The following YWHAE variants were observed in gnomAD, a reference collection of about 807,000 sequenced individuals.
YWHAE encodes tyrosine 3-monooxygenase/tryptophan 5-monooxygenase activation protein epsilon.
YWHAE carries 4 observed loss-of-function variants against 30.1 expected under a neutral mutation model. The observed-to-expected ratio is 0.13, with a 90% CI of 0.07 to 0.30. The LOEUF (loss-of-function observed/expected upper bound fraction) is 0.30, where lower values mean the gene tolerates loss of function less well. YWHAE is among the 10% of genes least tolerant of loss of function. YWHAE has a pLI of 1.00. For synonymous variants in YWHAE, 118 were observed against 111.8 expected, an observed-to-expected ratio of 1.06 and a Z score of -0.35; for missense variants, 121 against 315.9, an observed-to-expected ratio of 0.38 and a Z score of 4.68.
intron 4 of YWHAE, among the ~76,000 whole-genome samples, chr17:1,355,171 TTG>T (rs1388142124): frequency 0.11 from 5,277 of 50,142 alleles, 847 homozygotes; most frequent in African/African-American, 0.3. Flanking sequence ...TTTTTTTTTT[TTG>T]GGGGACGGGG....
At chr17:1,349,173 T>C (rs1163504027) in intron 5 of YWHAE, among the ~76,000 whole-genome samples, 1 of 151,810 alleles carries the variant, frequency 6.6e-6, no homozygotes, top group Admixed American at 6.6e-5. Flanking sequence ...AAACCCTGTC[T>C]CTACTGAAAA....
chr17:1,344,965 C>A lies in YWHAE; in HGVS notation c.*482G>T. 8.5e-6 allele frequency: 2 copies of A among 234,972 alleles called. No individual in the cohort carries two copies. The highest frequency in any genetic ancestry group is 1.2e-4 in the East Asian group (2 of 16,550). 14.6% of individuals were successfully genotyped at this position (234,972 alleles called of 1,614,324 possible). On this transcript the variant is annotated 3_prime_UTR_variant, in exon 6 of 6. Transcript: ENST00000264335. ...AGTCCCTCCCCAAACCACCTTTAAC[C>A]ATCTCAAGCTAACACCCAATTACTT...
intron 1 of YWHAE, among the ~76,000 whole-genome samples, 186 bp from the exon 2 acceptor site, chr17:1,365,244 A>G (rs539133824): frequency 9.0e-6 from 1 of 111,520 alleles, no homozygotes; most frequent in East Asian, 2.2e-4. Flanking sequence ...CTAAGAGCCA[A>G]TACAAAGACT....
At position 1,364,614 on chromosome 17, in the gene YWHAE, G is replaced by C. The variant is rs185703585; in HGVS notation, c.264+245C>G. 2,168 of 540,090 alleles carry C rather than the reference G, an allele frequency of 4.0e-3. 5 individuals are homozygous for C. Among genetic ancestry groups the C allele is most frequent in the Non-Finnish European group, 6.1e-3 (1,853 of 305,976 alleles). 33.5% of individuals were successfully genotyped at this position (540,090 alleles called of 1,614,324 possible). A position where few individuals can be genotyped will look rare whatever the true frequency, so the allele number is the denominator to read the frequency against. On this transcript the variant is annotated intron_variant, in intron 2 of 5. Transcript: ENST00000264335. The stretch of plus-strand genomic sequence containing the variant: ...ATCCAAGAGGGATCCATTGAGACCT[G>C]CCAGTGGATGTGATGAAACCATGGA...
At chr17:1,379,788 G>A (rs981990314) in intron 1 of YWHAE, among the ~76,000 whole-genome samples, 7 of 152,168 alleles carry the variant, frequency 4.6e-5, no homozygotes, top group African/African-American at 1.7e-4. Flanking sequence ...AAACACTCCT[G>A]GAACTTGTTT....
chr17:1,395,629 G>GA (rs1241381364), intron 1 of YWHAE, among the ~76,000 whole-genome samples: 1 of 150,992 alleles, frequency 6.6e-6, no homozygotes, highest in Non-Finnish European at 1.5e-5. Flanking sequence ...AACGGCAATG[G>GA]AAAATTACTG....
At chr17:1,345,977 C>T (rs1246737867) in intron 5 of YWHAE, among the ~76,000 whole-genome samples, 1 of 152,130 alleles carries the variant, frequency 6.6e-6, no homozygotes, top group South Asian at 2.1e-4. Flanking sequence ...GAAGTTCTAT[C>T]GTATTTTATT....
At chr17:1,363,287 G>C (rs1020403269) in intron 2 of YWHAE, among the ~76,000 whole-genome samples, 3 of 152,102 alleles carry the variant, frequency 2.0e-5, no homozygotes, top group African/African-American at 4.8e-5. Context: ...TTGATTCAGA[G>C]TTTCCCTCTT....
chr17:1,382,502 G>A (rs922720284), intron 1 of YWHAE, among the ~76,000 whole-genome samples: 3 of 151,028 alleles, frequency 2.0e-5, no homozygotes, highest in Non-Finnish European at 4.4e-5. Context: ...GACTACAGGC[G>A]CCCACCACCA....
intron 1 of YWHAE, among the ~76,000 whole-genome samples, chr17:1,371,253 T>C (rs2150859855): frequency 6.6e-6 from 1 of 152,176 alleles, no homozygotes; most frequent in Admixed American, 6.6e-5. Context: ...CAGCTAATTT[T>C]TATTATTTTT....
chr17:1,391,543 T>C (rs1316472542), intron 1 of YWHAE, among the ~76,000 whole-genome samples: 1 of 152,228 alleles, frequency 6.6e-6, no homozygotes, highest in African/African-American at 2.4e-5. Context: ...GTGACTTTCA[T>C]TATTATTTGC....
At chr17:1,366,022 C>T (rs1016027824) in intron 1 of YWHAE, among the ~76,000 whole-genome samples, 2 of 151,918 alleles carry the variant, frequency 1.3e-5, no homozygotes, top group Non-Finnish European at 2.9e-5. Flanking sequence ...TAAAGACTAT[C>T]CTGGCCAACA....
chr17:1,353,127 T>C (rs2150840371), intron 5 of YWHAE, among the ~76,000 whole-genome samples: 1 of 152,272 alleles, frequency 6.6e-6, no homozygotes, highest in East Asian at 1.9e-4. Flanking sequence ...CTGAAGCGTT[T>C]GCAATGAAAA....
At chr17:1,352,128 A>AT (rs1459749021) in intron 5 of YWHAE, 1 of 152,096 alleles carries the variant, frequency 6.6e-6, no homozygotes, top group African/African-American at 2.4e-5. Flanking sequence ...CAGTTGGTAA[A>AT]TTATTTCTGA....
chr17:1,390,300 C>T (rs1159289466), intron 1 of YWHAE, among the ~76,000 whole-genome samples: 2 of 152,122 alleles, frequency 1.3e-5, no homozygotes, highest in African/African-American at 4.8e-5. Flanking sequence ...TCTGGACGAC[C>T]TTTACTTTGG....
At chr17:1,346,270 G>A (rs990052246) in intron 5 of YWHAE, among the ~76,000 whole-genome samples, 1 of 152,118 alleles carries the variant, frequency 6.6e-6, no homozygotes, top group Non-Finnish European at 1.5e-5. Flanking sequence ...AAACAAGTCA[G>A]CCAAAATAAA....
At chr17:1,348,125 T>G (rs895794210) in intron 5 of YWHAE, 3 of 338,434 alleles carry the variant, frequency 8.9e-6, no homozygotes, top group Non-Finnish European at 1.3e-5. Flanking sequence ...ACTTTGGTCT[T>G]ACTTCGTGTA....
rs146200105 is a variant in YWHAE, at chr17:1,351,830, G to C, written c.715+2381C>G. Among the ~76,000 whole-genome samples the C allele has an allele frequency of 2.0e-5, 3 of 152,168 alleles. No homozygotes were observed. In the East Asian group the frequency reaches 5.8e-4, roughly 29 times the overall value. ...CTATGAAGCCTCGCTCTGCCACCCAGGCTAGAGTGCAGTGGGGCGTGATCT... is the reference window on the plus strand; with the variant it reads ...CTATGAAGCCTCGCTCTGCCACCCACGCTAGAGTGCAGTGGGGCGTGATCT... On this transcript the variant is annotated intron_variant, in intron 5 of 5. Transcript: ENST00000264335.
At chr17:1,381,847 A>C (rs1173882427) in intron 1 of YWHAE, among the ~76,000 whole-genome samples, 1 of 147,974 alleles carries the variant, frequency 6.8e-6, no homozygotes, top group African/African-American at 2.5e-5. Flanking sequence ...TGAGAGGTCA[A>C]GGCTGCAGTG....
Sources: gnomAD v4.1 joint callset for allele counts (sites outside exome capture counted in the v4.1 genomes callset) on GRCh38, gnomAD v4.1.1 for gene constraint, MANE v1.5 for transcripts, NCBI Gene and HGNC (gene_info 2026-07-23, HGNC 2026-07-21) for gene names.